Variants in TNPO1 observed in about 807,000 individuals in gnomAD.
The protein encoded by TNPO1 is transportin-1.
Under a neutral mutation model 119.5 loss-of-function variants are expected in TNPO1, and 8 were observed. That is an observed-to-expected ratio of 0.07 (90% CI 0.04 to 0.12). The LOEUF (loss-of-function observed/expected upper bound fraction) is 0.12, where lower values mean the gene tolerates loss of function less well. Ranked by LOEUF, TNPO1 falls within the 10% of genes least tolerant of loss-of-function variation. TNPO1 has a pLI of 1.00. For synonymous variants in TNPO1, 362 were observed against 363.0 expected, an observed-to-expected ratio of 1.00 and a Z score of 0.03; for missense variants, 576 against 1,089.8, an observed-to-expected ratio of 0.53 and a Z score of 6.64.
intron 2 of TNPO1, among the ~76,000 whole-genome samples, chr5:72,849,084 T>G (rs1222449937): frequency 6.6e-6 from 1 of 151,740 alleles, no homozygotes; most frequent in Admixed American, 6.6e-5. Flanking sequence ...GGGAAAGGGG[T>G]CTCTGTGCCT....
intron 1 of TNPO1, among the ~76,000 whole-genome samples, chr5:72,828,744 T>C (rs903784686): frequency 5.9e-5 from 9 of 152,080 alleles, no homozygotes; most frequent in African/African-American, 1.9e-4. Context: ...TACCAGTACC[T>C]GATCTGGTGT....
chr5:72,865,571 G>C (rs1199270800), intron 5 of TNPO1, 25 bp from the exon 6 acceptor site: 2 of 1,604,794 alleles, frequency 1.2e-6, no homozygotes, highest in Non-Finnish European at 1.7e-6. Context: ...AACAAATTCT[G>C]ATAATTTAAA....
Position 72,884,421 on chromosome 5 carries a change from T to C in TNPO1, c.1150+1189T>C, listed in dbSNP as rs116231104. ...GCTTTTTTGGTTTTTCTAACATGAG[T>C]GTTTTCTGTCTGGTAATTTGCATGA... On this transcript the variant is annotated intron_variant, in intron 11 of 24. Transcript: ENST00000337273. 5.4e-3 allele frequency among the ~76,000 whole-genome samples: 824 copies of C among 152,288 alleles called. 5 individuals are homozygous for C. Among genetic ancestry groups the C allele is most frequent in the African/African-American group, 0.019 (772 of 41,558 alleles).
intron 8 of TNPO1, among the ~76,000 whole-genome samples, chr5:72,876,117 T>A (rs1299692229): frequency 6.6e-6 from 1 of 152,192 alleles, no homozygotes; most frequent in African/African-American, 2.4e-5. Flanking sequence ...CTTTGAAAAG[T>A]CAGGCGGGAC....
intron 24 of TNPO1, among the ~76,000 whole-genome samples, chr5:72,906,558 G>C (rs1421415446): frequency 2.0e-5 from 3 of 151,990 alleles, no homozygotes; most frequent in Non-Finnish European, 2.9e-5. Flanking sequence ...CCAAAGTGCT[G>C]GGATTTACAG....
chr5:72,877,799 A>C (rs897358113), intron 9 of TNPO1, among the ~76,000 whole-genome samples: 5 of 152,084 alleles, frequency 3.3e-5, no homozygotes, highest in Admixed American at 1.3e-4. Context: ...AATTGCAGAA[A>C]ATTTTATATT....
chr5:72,862,670 G>A (rs768184400), intron 5 of TNPO1, among the ~76,000 whole-genome samples: 3 of 151,964 alleles, frequency 2.0e-5, no homozygotes, highest in Non-Finnish European at 4.4e-5. Flanking sequence ...GTTTCAAACA[G>A]GGTCTCGCTC....
chr5:72,906,798 A>G (rs1446373616), intron 24 of TNPO1, among the ~76,000 whole-genome samples: 1 of 152,192 alleles, frequency 6.6e-6, no homozygotes, highest in Non-Finnish European at 1.5e-5. Context: ...GTTGCCTGGC[A>G]CACTAAGTTG....
chr5:72,847,727 A>C (rs1051259433), intron 1 of TNPO1, among the ~76,000 whole-genome samples: 1 of 152,180 alleles, frequency 6.6e-6, no homozygotes, highest in African/African-American at 2.4e-5. Context: ...TTTTTAAGTC[A>C]AGTTCTGCAA....
At chr5:72,833,235 A>G (rs1393483697) in intron 1 of TNPO1, among the ~76,000 whole-genome samples, 1 of 152,218 alleles carries the variant, frequency 6.6e-6, no homozygotes, top group African/African-American at 2.4e-5. Context: ...ATGATTATAT[A>G]TATTACATAA....
intron 1 of TNPO1, among the ~76,000 whole-genome samples, chr5:72,838,954 A>G (rs1195839826): frequency 1.3e-5 from 2 of 152,184 alleles, no homozygotes; most frequent in African/African-American, 4.8e-5. Context: ...GAAACTTTTT[A>G]AGCACTGTGT....
At chr5:72,892,728 G>A (rs1749154472) in intron 15 of TNPO1, among the ~76,000 whole-genome samples, 1 of 152,002 alleles carries the variant, frequency 6.6e-6, no homozygotes, top group Admixed American at 6.6e-5. Flanking sequence ...TTCAAGATTG[G>A]TTGAATCCAT....
chr5:72,903,987 A>T (rs979339922), intron 23 of TNPO1, among the ~76,000 whole-genome samples: 3 of 152,212 alleles, frequency 2.0e-5, no homozygotes, highest in Non-Finnish European at 2.9e-5. Flanking sequence ...TAGAGGATGC[A>T]CTTTGAAAGT....
chr5:72,909,002 T>C lies in TNPO1; in HGVS notation c.*329T>C, dbSNP rs2112520558. 1 of 391,026 alleles carries C rather than the reference T, an allele frequency of 2.6e-6. No homozygotes were observed. Among genetic ancestry groups the C allele is most frequent in the South Asian group, 1.9e-5 (1 of 53,202 alleles). The allele number at this position is 391,026 out of a possible 1,614,324, so 24.2% of individuals were successfully genotyped here. A position where few individuals can be genotyped will look rare whatever the true frequency, so the allele number is the denominator to read the frequency against. ...CAAAACAGTACATTGTGGAATATTA[T>C]GGGGAATTGTACCAAAACAAGAACC... On this transcript the variant is annotated 3_prime_UTR_variant, in exon 25 of 25. Coordinates refer to ENST00000337273, the MANE Select transcript of TNPO1 (RefSeq NM_002270.4).
At chr5:72,885,150 A>G (rs944890305) in intron 11 of TNPO1, among the ~76,000 whole-genome samples, 3 of 152,248 alleles carry the variant, frequency 2.0e-5, no homozygotes, top group East Asian at 3.8e-4. Flanking sequence ...CTGTTTAATC[A>G]TAAGTAAGAA....
At chr5:72,876,614 T>C (rs1031427833) in intron 8 of TNPO1, among the ~76,000 whole-genome samples, 1 of 152,024 alleles carries the variant, frequency 6.6e-6, no homozygotes, top group East Asian at 1.9e-4. Flanking sequence ...ATATAATGAG[T>C]TCTTAATTTT....
intron 11 of TNPO1, among the ~76,000 whole-genome samples, 175 bp from the exon 12 acceptor site, chr5:72,886,888 CAAAAAAA>C (rs5868651): frequency 2.8e-5 from 2 of 70,376 alleles, no homozygotes; most frequent in Non-Finnish European, 5.4e-5. Context: ...GACTCCATCT[CAAAAAAA>C]AAAAAAAAAA....
rs536885598 is a variant in TNPO1, at chr5:72,896,719, A to G, written c.2242+163A>G. On this transcript the variant is annotated intron_variant, in intron 19 of 24. Coordinates refer to ENST00000337273, the MANE Select transcript of TNPO1 (RefSeq NM_002270.4). Reference sequence around the variant, plus strand: ...ACCCCGTCTCTACTAAAAATACAAAAATTAGCTGGCGTGGTAGCGGGTGCC... The same window carrying G: ...ACCCCGTCTCTACTAAAAATACAAAGATTAGCTGGCGTGGTAGCGGGTGCC... Among the ~76,000 whole-genome samples, 10 of 152,232 alleles carry G rather than the reference A, an allele frequency of 6.6e-5. No individual in the cohort carries two copies. In the East Asian group the frequency reaches 1.7e-3, roughly 27 times the overall value.
chr5:72,816,669 G>T lies in TNPO1; in HGVS notation c.-69G>T, dbSNP rs530609511. 7.6e-5 allele frequency: 113 copies of T among 1,492,136 alleles called. No individual in the cohort carries two copies. In the Admixed American group the frequency reaches 1.6e-3, roughly 22 times the overall value. 92.4% of individuals were successfully genotyped at this position (1,492,136 alleles called of 1,614,324 possible). On this transcript the variant is annotated 5_prime_UTR_variant, in exon 1 of 25. Coordinates refer to ENST00000337273, the MANE Select transcript of TNPO1 (RefSeq NM_002270.4). ...AAGCCCAGATTCTCTTTGTTCCGCA[G>T]CCATTTCAGGCCCCGGACAGGAGGC...
Sources: allele counts gnomAD v4.1 joint callset (sites outside exome capture counted in the v4.1 genomes callset), GRCh38; gene constraint gnomAD v4.1.1; transcripts MANE v1.5; gene names NCBI Gene and HGNC (gene_info 2026-07-23, HGNC 2026-07-21).